ITK: variants seen among roughly 807,000 people sequenced by gnomAD.
ITK encodes IL2 inducible T cell kinase.
ITK carries 45 observed loss-of-function variants against 87.6 expected under a neutral mutation model. The observed-to-expected ratio is 0.51, with a 90% confidence interval of 0.40 to 0.66. The LOEUF (loss-of-function observed/expected upper bound fraction) is 0.66. Ranked by LOEUF, ITK falls within the 30% of genes least tolerant of loss-of-function variation. The pLI, the probability that ITK is intolerant of heterozygous loss-of-function variation, is 0.00. For missense variants in ITK, 605 were observed against 766.3 expected (o/e 0.79, Z 2.48); for synonymous variants, 303 against 273.6 (o/e 1.11, Z -1.06).
intron 2 of ITK, among the ~76,000 whole-genome samples, chr5:157,210,066 C>T (rs376205623): frequency 2.0e-5 from 3 of 152,044 alleles, no homozygotes; most frequent in Admixed American, 6.6e-5. Context: ...GCTGGGACTA[C>T]GGGCGTGTGC....
intron 5 of ITK, among the ~76,000 whole-genome samples, chr5:157,222,099 A>C (rs992699899): frequency 6.6e-6 from 1 of 152,186 alleles, no homozygotes; most frequent in African/African-American, 2.4e-5. Context: ...CAATGTACTC[A>C]GAGAACTTGT....
chr5:157,211,570 G>C (rs2113754155), intron 3 of ITK: 2 of 599,980 alleles, frequency 3.3e-6, no homozygotes, highest in Admixed American at 2.7e-5. Context: ...CCAGCCTGCT[G>C]TCTGTTCTTG....
chr5:157,197,624 ATGGG>A (rs35785996), intron 1 of ITK, among the ~76,000 whole-genome samples: 55,208 of 151,500 alleles, frequency 0.36, 10,182 homozygotes, highest in East Asian at 0.4. Flanking sequence ...TCTTCCAAAA[ATGGG>A]ATGATGCTCC....
chr5:157,221,450 A>G (rs188585764), intron 5 of ITK, among the ~76,000 whole-genome samples: 10 of 152,272 alleles, frequency 6.6e-5, no homozygotes, highest in Admixed American at 6.5e-4. Context: ...CTGGTTTCTC[A>G]CCACATGAAT....
At chr5:157,182,678 G>A (rs1283647179) in intron 1 of ITK, among the ~76,000 whole-genome samples, 2 of 152,082 alleles carry the variant, frequency 1.3e-5, no homozygotes, top group African/African-American at 4.8e-5. Flanking sequence ...AACATTTAAA[G>A]TTTTTGTTTC....
intron 4 of ITK, among the ~76,000 whole-genome samples, chr5:157,215,995 T>C (rs998304400): frequency 6.6e-6 from 1 of 152,192 alleles, no homozygotes; most frequent in Non-Finnish European, 1.5e-5. Flanking sequence ...CTGTTCCCCA[T>C]GTGAAACCAG....
At position 157,253,655 on chromosome 5, in the gene ITK, G is replaced by T. The variant is rs1755192395; in HGVS notation, c.*977G>T. 4.4e-6 allele frequency: 1 copy of T among 226,774 alleles called. No homozygotes were observed. The highest frequency in any genetic ancestry group is 5.7e-5 in the Admixed American group (1 of 17,544). 14.0% of individuals were successfully genotyped at this position (226,774 alleles called of 1,614,324 possible). ...GCACTATCCGATCCTCATCAACAGA[G>T]GGCAGCATTGTGTTGGTCAATGTTC... On this transcript the variant is annotated 3_prime_UTR_variant, in exon 17 of 17. Coordinates refer to ENST00000422843, the MANE Select transcript of ITK (RefSeq NM_005546.4).
intron 16 of ITK, 95 bp downstream of exon 16, chr5:157,249,102 C>T (rs888722391): frequency 6.6e-6 from 7 of 1,052,716 alleles, no homozygotes; most frequent in African/African-American, 1.6e-5. Flanking sequence ...AAGGATGAGG[C>T]AGGAGGGATA....
intron 1 of ITK, among the ~76,000 whole-genome samples, chr5:157,194,903 A>G (rs1309402080): frequency 1.3e-5 from 2 of 152,206 alleles, no homozygotes; most frequent in African/African-American, 2.4e-5. Flanking sequence ...GCCTGGGAGC[A>G]CTGAATCCTT....
chr5:157,241,642 C>T lies in ITK; in HGVS notation c.986-4C>T, dbSNP rs757984727. 6.2e-7 allele frequency: 1 copy of T among 1,612,826 alleles called. No individual in the cohort carries two copies. Among genetic ancestry groups the T allele is most frequent in the East Asian group, 2.2e-5 (1 of 44,804 alleles). On this transcript the variant is annotated splice_region_variant and splice_polypyrimidine_tract_variant and intron_variant, in intron 10 of 16. Transcript: ENST00000422843. ...ACTGCTTCTTGGCTTTTCAATCAAC[C>T]CAGGCCTGGTGACTCGACTCCGGTA...
rs984065893 is a variant in ITK, at chr5:157,214,019, A to G, written c.326-172A>G. ...GCCTAAATGTAACATGAACTACCCC[A>G]GTAAATAGCACAGTGCATTTATGCG... On this transcript the variant is annotated intron_variant, in intron 3 of 16. Coordinates refer to ENST00000422843, the MANE Select transcript of ITK (RefSeq NM_005546.4). Among the ~76,000 whole-genome samples, 5 of 152,190 alleles carry G rather than the reference A, an allele frequency of 3.3e-5. 1 individual carries two copies. The highest frequency in any genetic ancestry group is 2.6e-4 in the Admixed American group (4 of 15,276).
intron 1 of ITK, chr5:157,196,043 G>A (rs542298565): frequency 6.6e-6 from 1 of 152,278 alleles, no homozygotes; most frequent in African/African-American, 2.4e-5. Context: ...GGGGAGGAGG[G>A]TGCCACCAAC....
chr5:157,233,963 A>ATTTTTTT (rs869230073), intron 8 of ITK, among the ~76,000 whole-genome samples: 1 of 22,294 alleles, frequency 4.5e-5, no homozygotes, highest in Admixed American at 1.0e-3. Context: ...ATATATATAT[A>ATTTTTTT]TTTTTTTTTT....
intron 4 of ITK, 126 bp from the exon 5 acceptor site, chr5:157,217,741 T>C: frequency 2.5e-6 from 2 of 785,856 alleles, no homozygotes; most frequent in Middle Eastern, 2.2e-4. Flanking sequence ...TTGCTCCTTC[T>C]GGCCCCCTTT....
chr5:157,244,248 T>C lies in ITK; in HGVS notation c.1233-14T>C. ...TGAGTTTAGGCCATCTCACCCCTTG[T>C]CTTTTTCCTCCAGGAAACTCTCTCA... On this transcript the variant is annotated splice_polypyrimidine_tract_variant and intron_variant, in intron 12 of 16. Coordinates refer to ENST00000422843, the MANE Select transcript of ITK (RefSeq NM_005546.4). The C allele has an allele frequency of 6.2e-7, 1 of 1,611,922 alleles. No individual in the cohort carries two copies. Among genetic ancestry groups the C allele is most frequent in the Non-Finnish European group, 8.5e-7 (1 of 1,177,898 alleles).
At chr5:157,188,319 A>G (rs1441833535) in intron 1 of ITK, among the ~76,000 whole-genome samples, 6 of 152,134 alleles carry the variant, frequency 3.9e-5, no homozygotes, top group Admixed American at 3.3e-4. Flanking sequence ...CTCCATGGCT[A>G]TTTAGGGTAT....
intron 1 of ITK, among the ~76,000 whole-genome samples, chr5:157,206,148 T>G (rs1754075604): frequency 6.6e-6 from 1 of 151,870 alleles, no homozygotes; most frequent in Non-Finnish European, 1.5e-5. Context: ...AGAAACAGAG[T>G]TTCACCACGT....
chr5:157,213,439 A>T, intron 3 of ITK: 2 of 365,328 alleles, frequency 5.5e-6, no homozygotes, highest in Non-Finnish European at 1.1e-5. Context: ...GTGCAGTAGC[A>T]CAAGCATGGC....
intron 4 of ITK, among the ~76,000 whole-genome samples, chr5:157,216,095 C>T (rs1754293179): frequency 6.6e-6 from 1 of 152,192 alleles, no homozygotes; most frequent in African/African-American, 2.4e-5. Context: ...TTGCCATATC[C>T]TCCTCTGAGC....
Sources: gnomAD v4.1 joint callset for allele counts (sites outside exome capture counted in the v4.1 genomes callset) on GRCh38, gnomAD v4.1.1 for gene constraint, MANE v1.5 for transcripts, NCBI Gene and HGNC (gene_info 2026-07-23, HGNC 2026-07-21) for gene names.